Variants in MYO18A observed in about 807,000 individuals in gnomAD.
The protein encoded by MYO18A is unconventional myosin-XVIIIa.
Under a neutral mutation model 235.8 loss-of-function variants are expected in MYO18A, and 78 were observed. That is an observed-to-expected ratio of 0.33 (90% CI 0.28 to 0.40). The LOEUF is 0.40. MYO18A is among the 10% of genes least tolerant of loss of function. The pLI is 1.00. For synonymous variants in MYO18A, 977 were observed against 1,077.8 expected, an observed-to-expected ratio of 0.91 and a Z score of 1.83; for missense variants, 2,215 against 2,699.3, an observed-to-expected ratio of 0.82 and a Z score of 3.98.
intron 15 of MYO18A, among the ~76,000 whole-genome samples, chr17:29,112,780 T>C (rs928541151): frequency 6.6e-6 from 1 of 152,196 alleles, no homozygotes; most frequent in Non-Finnish European, 1.5e-5. Flanking sequence ...TTTCCTCTCT[T>C]TGACCCCAGC....
chr17:29,080,672 G>A, intron 41 of MYO18A: 4 of 985,566 alleles, frequency 4.1e-6, no homozygotes, highest in Non-Finnish European at 4.8e-6. Flanking sequence ...CGGCTGACCG[G>A]TGCAGAGACG....
In MYO18A at chr17:29,086,428, C is replaced by T. The variant is rs369134601; in HGVS notation, c.5852+10G>A. On this transcript the variant is annotated intron_variant, in intron 39 of 41. Transcript: ENST00000527372. ...TGCTAGCTGCAGATGCCCCAGAGGC[C>T]ACTTCTCACCTGTTGATGAGGTCCT... is the stretch of plus-strand genomic sequence containing the variant. 1.3e-6 allele frequency: 2 copies of T among 1,589,200 alleles called. No homozygotes were observed. The highest frequency in any genetic ancestry group is 1.7e-6 in the Non-Finnish European group (2 of 1,167,476).
At chr17:29,098,754 C>T in intron 23 of MYO18A, 72 bp downstream of exon 23, 1 of 1,574,558 alleles carries the variant, frequency 6.4e-7, no homozygotes, top group Non-Finnish European at 8.6e-7. Flanking sequence ...CGAAGAAGCG[C>T]CTGGAAGCCC....
At position 29,086,469 on chromosome 17, in the gene MYO18A, C is replaced by T. The variant is rs1342395242; in HGVS notation, c.5821G>A (p.Glu1941Lys). ...ATGAGGTCCTCATTCTCATCACTCT[C>T]CATCTCATCCTCAATGGCAGCCTGC... ...DLQAAIEDEM[E>K]SDENEDLINS... The change falls in exon 39 of 42, where the codon GAG becomes AAG. Residue 1941 changes from glutamate to lysine, a missense_variant. Glu to Lys is a moderately conservative substitution (Grantham distance 56, BLOSUM62 1). Coordinates refer to ENST00000527372, the MANE Select transcript of MYO18A (RefSeq NM_078471.4). 1 of 1,607,988 alleles carries T rather than the reference C, an allele frequency of 6.2e-7. No homozygotes were observed. The highest frequency in any genetic ancestry group is 8.5e-7 in the Non-Finnish European group (1 of 1,177,174).
chr17:29,179,972 C>A (rs1423503726), intron 1 of MYO18A, among the ~76,000 whole-genome samples: 1 of 152,056 alleles, frequency 6.6e-6, no homozygotes, highest in Non-Finnish European at 1.5e-5. Flanking sequence ...GCCCCCACCC[C>A]GCAGCTCCGG....
chr17:29,103,729 C>T, intron 20 of MYO18A, 65 bp from the exon 21 acceptor site: 1 of 1,534,210 alleles, frequency 6.5e-7, no homozygotes, highest in Admixed American at 1.7e-5. Flanking sequence ...GGGCTTTCTC[C>T]AGGCCCTTGG....
In MYO18A at chr17:29,092,892, G is replaced by A; in HGVS notation, c.5036C>T (p.Ala1679Val). The change falls in exon 33 of 42, where the codon GCT becomes GTT. Residue 1679 changes from alanine to valine, a missense_variant. Physicochemically the swap from Ala to Val is moderately conservative, Grantham distance 64. Transcript: ENST00000527372. ...QLMLDHLKNS[A>V]PSKREIAQLK... is the part of the protein sequence containing the mutation. ...CTGGGCAATCTCTCGCTTGCTGGGA[G>A]CACTGTTCTTCAGGTGGTCCAGCAT... The A allele has an allele frequency of 6.2e-7, 1 of 1,613,968 alleles. No individual in the cohort carries two copies. Among genetic ancestry groups the A allele is most frequent in the Non-Finnish European group, 8.5e-7 (1 of 1,179,890 alleles).
Position 29,166,331 on chromosome 17 carries a change from C to T in MYO18A, c.610G>A (p.Asp204Asn). Residue 204 changes from aspartate to asparagine, a missense_variant, in exon 2 of 42, where the codon GAC becomes AAC. Asp to Asn is a conservative substitution (Grantham distance 23). Transcript: ENST00000527372. Reference protein sequence around the residue: ...PELVTKKFPVDLRLPPVVPLP... With the variant: ...PELVTKKFPVNLRLPPVVPLP... ...GGCACCACGGGGGGCAGGCGCAGGT[C>T]GACTGGGAACTTTTTAGTCACTAGC... 1 of 1,612,508 alleles carries T rather than the reference C, an allele frequency of 6.2e-7. No individual in the cohort carries two copies.
At chr17:29,141,241 G>C (rs757501948) in intron 2 of MYO18A, among the ~76,000 whole-genome samples, 5 of 152,178 alleles carry the variant, frequency 3.3e-5, no homozygotes, top group African/African-American at 7.2e-5. Flanking sequence ...AGTGTTTCTT[G>C]TGAAGAGAAA....
chr17:29,156,822 A>G (rs2068074715), intron 2 of MYO18A, among the ~76,000 whole-genome samples: 2 of 152,316 alleles, frequency 1.3e-5, no homozygotes, highest in South Asian at 4.1e-4. Context: ...ACTGAAGCCA[A>G]TGTGTAGAAG....
At chr17:29,150,684 G>T (rs534090886) in intron 2 of MYO18A, among the ~76,000 whole-genome samples, 167 of 152,360 alleles carry the variant, frequency 1.1e-3, no homozygotes, top group African/African-American at 3.7e-3. Flanking sequence ...GAAGCTGGCC[G>T]GGTGTTATGG....
rs1011008392 is a variant in MYO18A, at chr17:29,158,165, G to A, written c.999+7777C>T. ...GTCTACACTATGCACCATACTGAGC[G>A]CCACAGATAACACCCGGCGAACACC... On this transcript the variant is annotated intron_variant, in intron 2 of 41. Coordinates refer to ENST00000527372, the MANE Select transcript of MYO18A (RefSeq NM_078471.4). This position sits in a 1 kb window ranked among gnomAD's most constrained non-coding sequence, Gnocchi z 4.3. 2.6e-5 allele frequency among the ~76,000 whole-genome samples: 4 copies of A among 152,236 alleles called. No individual in the cohort carries two copies. Among genetic ancestry groups the A allele is most frequent in the Admixed American group, 1.3e-4 (2 of 15,292 alleles).
At chr17:29,103,048 C>T (rs1199232868) in intron 21 of MYO18A, among the ~76,000 whole-genome samples, 7 of 152,232 alleles carry the variant, frequency 4.6e-5, no homozygotes, top group Non-Finnish European at 1.0e-4. Flanking sequence ...TGAGGAGTGA[C>T]GTGGCAGACT....
At chr17:29,115,642 C>T (rs367680112) in intron 12 of MYO18A, 22 bp downstream of exon 12, 4 of 1,571,204 alleles carry the variant, frequency 2.5e-6, no homozygotes, top group Non-Finnish European at 3.5e-6. Flanking sequence ...CTCACAACTA[C>T]CAGCCAAGGG....
At chr17:29,141,852 T>A (rs1192964565) in intron 2 of MYO18A, among the ~76,000 whole-genome samples, 1 of 152,210 alleles carries the variant, frequency 6.6e-6, no homozygotes, top group Non-Finnish European at 1.5e-5. Flanking sequence ...ACTGGGGAAC[T>A]TGAAAAAAAT....
At chr17:29,129,637 T>C (rs2094445225) in intron 2 of MYO18A, among the ~76,000 whole-genome samples, 1 of 152,188 alleles carries the variant, frequency 6.6e-6, no homozygotes. Flanking sequence ...TGATCTTGGT[T>C]CTAGAACACA....
rs769247201 is a variant in MYO18A, at chr17:29,074,083, C to T, written c.*687G>A. ...AGGCTTGCTCAACCCAGCCCAGCAG[C>T]ACCGGAGAGCCCCTCCGCACCTCAT... is the stretch of plus-strand genomic sequence containing the variant. On this transcript the variant is annotated 3_prime_UTR_variant, in exon 42 of 42. Transcript: ENST00000527372. This position sits in a 1 kb window ranked among gnomAD's most constrained non-coding sequence, Gnocchi z 4.4. 1.2e-6 allele frequency: 2 copies of T among 1,614,068 alleles called. No individual in the cohort carries two copies. Among genetic ancestry groups the T allele is most frequent in the South Asian group, 1.1e-5 (1 of 91,078 alleles).
At chr17:29,161,561 C>G (rs1249322027) in intron 2 of MYO18A, among the ~76,000 whole-genome samples, 1 of 152,024 alleles carries the variant, frequency 6.6e-6, no homozygotes, top group Non-Finnish European at 1.5e-5. Context: ...TGGCCAGCAC[C>G]TCTGGCTCTC....
In MYO18A at chr17:29,177,611, C is replaced by G. The variant is rs371392018; in HGVS notation, c.-82+2702G>C. Among the ~76,000 whole-genome samples the G allele has an allele frequency of 3.1e-3, 465 of 152,170 alleles. 1 individual carries two copies. The highest frequency in any genetic ancestry group is 0.011 in the African/African-American group (456 of 41,514). On this transcript the variant is annotated intron_variant, in intron 1 of 41. Transcript: ENST00000527372. ...TGGGGTGTGCAGATCTTAAAGCACC[C>G]GGGGGTCTGACCCAAAGCAGAACTT...
Sources: gnomAD v4.1 joint callset for allele counts (sites outside exome capture counted in the v4.1 genomes callset) on GRCh38, gnomAD v4.1.1 for gene constraint, Gnocchi (gnomAD v3.1) non-coding constraint, MANE v1.5 for transcripts, NCBI Gene and HGNC (gene_info 2026-07-23, HGNC 2026-07-21) for gene names.